DOCK3: variants seen among roughly 807,000 people sequenced by gnomAD.
The protein encoded by DOCK3 is dedicator of cytokinesis protein 3.
Under a neutral mutation model 265.6 loss-of-function variants are expected in DOCK3, and 60 were observed. The observed-to-expected ratio is 0.23, with a 90% CI of 0.18 to 0.28. The LOEUF (loss-of-function observed/expected upper bound fraction) is 0.28. Ranked by LOEUF, DOCK3 falls within the 10% of genes least tolerant of loss-of-function variation. DOCK3 has a pLI of 1.00. For missense variants in DOCK3, 1,981 were observed against 2,594.3 expected (o/e 0.76, Z 5.14); for synonymous variants, 881 against 938.0 (o/e 0.94, Z 1.11).
intron 22 of DOCK3, among the ~76,000 whole-genome samples, chr3:51,249,360 G>A (rs1245044892): frequency 3.7e-5 from 5 of 134,258 alleles, no homozygotes; most frequent in Admixed American, 7.2e-5. Flanking sequence ...CAGCCGCCCA[G>A]TCCGGGAGGG....
intron 5 of DOCK3, among the ~76,000 whole-genome samples, chr3:50,976,707 T>G (rs2077464298): frequency 6.6e-6 from 1 of 151,858 alleles, no homozygotes; most frequent in African/African-American, 2.4e-5. Context: ...TTGTTGACTT[T>G]CTGTCTTGTT....
At chr3:50,775,451 G>A (rs1199061182) in intron 1 of DOCK3, among the ~76,000 whole-genome samples, 1 of 149,588 alleles carries the variant, frequency 6.7e-6, no homozygotes, top group Non-Finnish European at 1.5e-5. Flanking sequence ...TTTGATTGCT[G>A]ATACTGATAA....
At chr3:50,821,035 C>A (rs922555591) in intron 2 of DOCK3, among the ~76,000 whole-genome samples, 3 of 151,034 alleles carry the variant, frequency 2.0e-5, no homozygotes, top group African/African-American at 4.9e-5. Flanking sequence ...CTTATAGATT[C>A]TGGATATTAG....
chr3:51,111,550 C>T (rs1021021172), intron 9 of DOCK3, among the ~76,000 whole-genome samples: 1 of 152,124 alleles, frequency 6.6e-6, no homozygotes, highest in Admixed American at 6.5e-5. Flanking sequence ...GAAACTGAAC[C>T]CCTTCCTTAT....
chr3:50,901,460 C>A (rs2049191385), intron 4 of DOCK3, among the ~76,000 whole-genome samples: 1 of 109,402 alleles, frequency 9.1e-6, no homozygotes, highest in Non-Finnish European at 1.9e-5. Flanking sequence ...TCTGGCTTCA[C>A]CCCCTTTCTA....
chr3:51,058,994 T>C (rs1189541147), intron 5 of DOCK3, among the ~76,000 whole-genome samples: 1 of 152,126 alleles, frequency 6.6e-6, no homozygotes, highest in East Asian at 1.9e-4. Context: ...TGTTGCATGA[T>C]TCTGACATTT....
intron 2 of DOCK3, among the ~76,000 whole-genome samples, chr3:50,835,413 C>T (rs2045447245): frequency 6.6e-6 from 1 of 152,204 alleles, no homozygotes; most frequent in African/African-American, 2.4e-5. Context: ...ATTAAAATCA[C>T]AGTCTTCAAA....
At chr3:51,266,894 TATAGA>T (rs2080204164) in intron 23 of DOCK3, among the ~76,000 whole-genome samples, 1 of 152,308 alleles carries the variant, frequency 6.6e-6, no homozygotes, top group African/African-American at 2.4e-5. Context: ...ACAGGCAAGC[TATAGA>T]ATAGGAGAAA....
chr3:51,349,432 A>G (rs776115735), intron 39 of DOCK3, among the ~76,000 whole-genome samples: 4 of 152,186 alleles, frequency 2.6e-5, no homozygotes, highest in Non-Finnish European at 4.4e-5. Flanking sequence ...TCGGTTCTGA[A>G]TCATAATGGC....
intron 1 of DOCK3, among the ~76,000 whole-genome samples, chr3:50,720,958 T>C (rs1353036452): frequency 6.6e-6 from 1 of 152,318 alleles, no homozygotes; most frequent in Admixed American, 6.5e-5. Context: ...ATCAGTGATA[T>C]TGAGCTTTTT....
chr3:50,833,566 C>T lies in DOCK3; in HGVS notation c.122-8109C>T, dbSNP rs1034112905. 3.3e-5 allele frequency among the ~76,000 whole-genome samples: 5 copies of T among 152,124 alleles called. No individual in the cohort carries two copies. The East Asian group carries it at 9.6e-4, about 29-fold the overall frequency. ...CCTATGAATTGGGTAAACTCATCTC[C>T]TCTTGGGGTCTCAAGACTATTTGAG... is the stretch of plus-strand genomic sequence containing the variant. On this transcript the variant is annotated intron_variant, in intron 2 of 52. Transcript: ENST00000266037.
chr3:50,845,705 C>T (rs1425149531), intron 3 of DOCK3, among the ~76,000 whole-genome samples: 3 of 152,044 alleles, frequency 2.0e-5, no homozygotes, highest in African/African-American at 7.3e-5. Flanking sequence ...TAGGGTTTAT[C>T]AGGAAAACAA....
At chr3:51,015,387 A>G (rs1224006102) in intron 5 of DOCK3, among the ~76,000 whole-genome samples, 2 of 151,870 alleles carry the variant, frequency 1.3e-5, no homozygotes, top group Non-Finnish European at 2.9e-5. Flanking sequence ...TCAGTTGATC[A>G]TATGGTTTTT....
intron 3 of DOCK3, among the ~76,000 whole-genome samples, chr3:50,851,187 C>T (rs1227192914): frequency 6.6e-6 from 1 of 152,156 alleles, no homozygotes; most frequent in Admixed American, 6.5e-5. Context: ...ACTCCTAATC[C>T]AGGAGATTGA....
intron 2 of DOCK3, among the ~76,000 whole-genome samples, chr3:50,821,239 A>G (rs961085203): frequency 2.0e-5 from 3 of 147,214 alleles, no homozygotes; most frequent in Non-Finnish European, 3.0e-5. Flanking sequence ...AGACTTAGCC[A>G]CAGGTTGTTT....
intron 25 of DOCK3, among the ~76,000 whole-genome samples, chr3:51,276,693 C>T (rs1000089631): frequency 6.6e-6 from 1 of 152,022 alleles, no homozygotes; most frequent in Non-Finnish European, 1.5e-5. Context: ...TATTATCTCT[C>T]GTTCACCTCT....
At position 51,360,540 on chromosome 3, in the gene DOCK3, T is replaced by G. The variant is rs1479142343; in HGVS notation, c.4914T>G (p.Pro1638=). ...HEFPGLDKLS[P]ACSGTSTPRG... is the part of the protein sequence containing the mutation. ...TTCCAGGTTTGGATAAGCTAAGTCC[T>G]GCATGTTCAGGCACCAGCACCCCAC... The change falls in exon 47 of 53, where the codon CCT becomes CCG. Residue 1638 remains proline, a synonymous_variant. Coordinates refer to ENST00000266037, the MANE Select transcript of DOCK3 (RefSeq NM_004947.5). 6.2e-7 allele frequency: 1 copy of G among 1,612,576 alleles called. No homozygotes were observed. The highest frequency in any genetic ancestry group is 1.3e-5 in the African/African-American group (1 of 75,036).
intron 22 of DOCK3, among the ~76,000 whole-genome samples, chr3:51,254,593 A>G (rs1216391520): frequency 5.9e-5 from 9 of 152,138 alleles, no homozygotes; most frequent in African/African-American, 1.7e-4. Flanking sequence ...AGCTCTTCTC[A>G]TTGAATTGAT....
chr3:50,876,242 A>G (rs1412114903), intron 3 of DOCK3, among the ~76,000 whole-genome samples: 1 of 152,148 alleles, frequency 6.6e-6, no homozygotes, highest in Non-Finnish European at 1.5e-5. Flanking sequence ...TATCTACTTA[A>G]ATTAGTTTTA....
Sources: allele counts gnomAD v4.1 joint callset (sites outside exome capture counted in the v4.1 genomes callset), GRCh38; gene constraint gnomAD v4.1.1; transcripts MANE v1.5; gene names NCBI Gene and HGNC (gene_info 2026-07-23, HGNC 2026-07-21).